Variants in RALGAPB observed in about 807,000 individuals in gnomAD.
RALGAPB encodes the protein Ral GTPase activating protein non-catalytic subunit beta.
A neutral mutation model predicts 161.1 loss-of-function variants in RALGAPB; 25 were observed. The ratio of observed to expected loss-of-function variants is 0.16; its 90% CI spans 0.11 to 0.22. The LOEUF (loss-of-function observed/expected upper bound fraction) is 0.22. Among genes scored for constraint, RALGAPB ranks in the 10% least tolerant of loss-of-function variants. The pLI is 1.00. For synonymous variants in RALGAPB, 629 were observed against 626.1 expected, an observed-to-expected ratio of 1.00 and a Z score of -0.07; for missense variants, 1,391 against 1,815.2, an observed-to-expected ratio of 0.77 and a Z score of 4.25.
At chr20:38,481,501 T>C (rs2084971844) in intron 1 of RALGAPB, among the ~76,000 whole-genome samples, 1 of 152,164 alleles carries the variant, frequency 6.6e-6, no homozygotes, top group Non-Finnish European at 1.5e-5. Context: ...CTCCGGTTTT[T>C]AAAAAGCCAT....
intron 5 of RALGAPB, 55 bp downstream of exon 5, chr20:38,499,688 T>C (rs974386431): frequency 6.6e-7 from 1 of 1,508,650 alleles, no homozygotes; most frequent in Non-Finnish European, 8.9e-7. Flanking sequence ...TAGGCAGCTT[T>C]CTGGCATTCA....
intron 21 of RALGAPB, among the ~76,000 whole-genome samples, chr20:38,552,597 CAA>C (rs1190487297): frequency 6.6e-6 from 1 of 151,960 alleles, no homozygotes; most frequent in Non-Finnish European, 1.5e-5. Flanking sequence ...GCAGTAGGGT[CAA>C]GAGTCTAGTC....
chr20:38,538,833 A>G (rs2086884629), intron 16 of RALGAPB, among the ~76,000 whole-genome samples: 1 of 152,188 alleles, frequency 6.6e-6, no homozygotes, highest in Non-Finnish European at 1.5e-5. Flanking sequence ...ATTTTGGAAA[A>G]CAGCTTGGCT....
intron 1 of RALGAPB, among the ~76,000 whole-genome samples, chr20:38,479,895 T>C (rs1276666575): frequency 1.3e-5 from 2 of 152,188 alleles, no homozygotes; most frequent in East Asian, 3.8e-4. Flanking sequence ...TACTATCCCT[T>C]CAGTGTATCT....
intron 18 of RALGAPB, among the ~76,000 whole-genome samples, chr20:38,545,024 A>C (rs2087115934): frequency 6.6e-6 from 1 of 152,092 alleles, no homozygotes; most frequent in African/African-American, 2.4e-5. Flanking sequence ...GATTTACCTC[A>C]TTATTTTTAG....
rs372563346 is a variant in RALGAPB, at chr20:38,553,881, C to T, written c.3177C>T (p.His1059=). 8.1e-6 allele frequency: 13 copies of T among 1,607,672 alleles called. No homozygotes were observed. The highest frequency in any genetic ancestry group is 5.0e-5 in the Admixed American group (3 of 59,626). The change falls in exon 22 of 30, where the codon CAC becomes CAT. Residue 1059 remains histidine, a synonymous_variant. Transcript: ENST00000262879. The part of the protein sequence containing the change: ...EIVTEELEER[H]EKLRSGMAQQ... ...GTTTATTACAGTTAGAAGAGAGACA[C>T]GAAAAATTAAGGAGTGGCATGGCCC...
chr20:38,479,362 T>C (rs1011049519), intron 1 of RALGAPB, among the ~76,000 whole-genome samples: 2 of 152,286 alleles, frequency 1.3e-5, no homozygotes, highest in Non-Finnish European at 2.9e-5. Context: ...GTTTATTTTC[T>C]GTGCTTGTTG....
intron 16 of RALGAPB, among the ~76,000 whole-genome samples, chr20:38,537,200 A>G (rs560243037): frequency 6.6e-6 from 1 of 152,358 alleles, no homozygotes; most frequent in Admixed American, 6.5e-5. Context: ...TTAAGTGGTC[A>G]TCTGATTTTT....
chr20:38,533,874 C>T (rs1338709518), intron 15 of RALGAPB, among the ~76,000 whole-genome samples: 2 of 152,064 alleles, frequency 1.3e-5, no homozygotes, highest in African/African-American at 2.4e-5. Context: ...CGCAGTGGCT[C>T]ACTCCTGTAA....
At chr20:38,527,713 A>G (rs568654121) in intron 13 of RALGAPB, among the ~76,000 whole-genome samples, 10 of 152,322 alleles carry the variant, frequency 6.6e-5, no homozygotes, top group Non-Finnish European at 1.5e-4. Context: ...CCTCCAAGTT[A>G]CAATGTTTTA....
chr20:38,550,288 G>A (rs764600227), intron 20 of RALGAPB, among the ~76,000 whole-genome samples: 2 of 152,076 alleles, frequency 1.3e-5, no homozygotes, highest in Non-Finnish European at 2.9e-5. Flanking sequence ...AAAACTTAAA[G>A]TATCATAATA....
chr20:38,531,129 T>G, intron 13 of RALGAPB, 38 bp from the exon 14 acceptor site: 1 of 1,473,976 alleles, frequency 6.8e-7, no homozygotes, highest in South Asian at 1.1e-5. Context: ...AGTGTTCTTG[T>G]GTATTTTATA....
At position 38,570,934 on chromosome 20, in the gene RALGAPB, A is replaced by G. The variant is rs946030842; in HGVS notation, c.4142+87A>G. ...AATAAATAAGGAATTATGAAACGAA[A>G]GAGTTGTAGACAACTAGAAATAAAA... is the stretch of plus-strand genomic sequence containing the variant. On this transcript the variant is annotated intron_variant, in intron 28 of 29. Transcript: ENST00000262879. 1.2e-5 allele frequency: 11 copies of G among 883,654 alleles called. No homozygotes were observed. The African/African-American group carries it at 1.5e-4, about 12-fold the overall frequency. The allele number at this position is 883,654 out of a possible 1,614,324, so 54.7% of individuals were successfully genotyped here. A position where few individuals can be genotyped will look rare whatever the true frequency, so the allele number is the denominator to read the frequency against.
chr20:38,500,768 A>G (rs1027447128), intron 5 of RALGAPB, among the ~76,000 whole-genome samples: 2 of 152,250 alleles, frequency 1.3e-5, no homozygotes, highest in Admixed American at 1.3e-4. Context: ...AAGGAAATTA[A>G]ACATGCTACA....
intron 14 of RALGAPB, 144 bp downstream of exon 14, chr20:38,531,375 A>G: frequency 1.5e-6 from 1 of 689,222 alleles, no homozygotes. Context: ...CTTTTTAAAA[A>G]TAATGTATAT....
At position 38,528,407 on chromosome 20, in the gene RALGAPB, T is replaced by C. The variant is rs1424788138; in HGVS notation, c.2050+2365T>C. Among the ~76,000 whole-genome samples the C allele has an allele frequency of 5.3e-5, 8 of 152,182 alleles. No homozygotes were observed. The South Asian group carries it at 1.7e-3, about 32-fold the overall frequency. On this transcript the variant is annotated intron_variant, in intron 13 of 29. Coordinates refer to ENST00000262879, the MANE Select transcript of RALGAPB (RefSeq NM_020336.4). ...TTTATTTAAATACAAGTTCTTGCTC[T>C]GTTGCCCAGGCTGGAGCGCAGTGGT...
chr20:38,498,097 A>G (rs1267612455), intron 4 of RALGAPB, among the ~76,000 whole-genome samples: 1 of 97,728 alleles, frequency 1.0e-5, no homozygotes, highest in East Asian at 1.9e-4. Context: ...AAAAGAAACA[A>G]TTAACCAATT....
chr20:38,574,710 C>T, intron 29 of RALGAPB, 64 bp from the exon 30 acceptor site: 1 of 1,472,276 alleles, frequency 6.8e-7, no homozygotes, highest in Non-Finnish European at 9.5e-7. Flanking sequence ...CACCTGAATA[C>T]TTACAGTTCA....
In RALGAPB at chr20:38,516,174, T is replaced by C. The variant is rs1378922322; in HGVS notation, c.873-18T>C. On this transcript the variant is annotated intron_variant, in intron 6 of 29. Transcript: ENST00000262879. The stretch of plus-strand genomic sequence containing the variant: ...AAATTTCTAAATTTGTGATTAATTC[T>C]TTCCTCTCTTTTAATAGTAATCCTG... The C allele has an allele frequency of 6.5e-7, 1 of 1,536,654 alleles. No homozygotes were observed. Among genetic ancestry groups the C allele is most frequent in the Non-Finnish European group, 8.8e-7 (1 of 1,130,914 alleles).
Sources: allele counts gnomAD v4.1 joint callset (sites outside exome capture counted in the v4.1 genomes callset), GRCh38; gene constraint gnomAD v4.1.1; transcripts MANE v1.5; gene names NCBI Gene and HGNC (gene_info 2026-07-23, HGNC 2026-07-21).